Variants in MRTFB observed in about 807,000 individuals in gnomAD.
MRTFB encodes the protein myocardin related transcription factor B, also known as myocardin-related transcription factor B.
A neutral mutation model predicts 104.2 loss-of-function variants in MRTFB; 29 were observed. The observed-to-expected ratio is 0.28, with a 90% CI of 0.21 to 0.38. The LOEUF (loss-of-function observed/expected upper bound fraction) is 0.38. Among genes scored for constraint, MRTFB ranks in the 10% least tolerant of loss-of-function variants. The pLI is 1.00. For missense variants in MRTFB, 1,270 were observed against 1,341.6 expected (o/e 0.95, Z 0.83); for synonymous variants, 535 against 519.5 (o/e 1.03, Z -0.41).
rs560443944 is a variant in MRTFB, at chr16:14,160,048, A to G, written c.154+19288A>G. 5.9e-5 allele frequency among the ~76,000 whole-genome samples: 9 copies of G among 152,246 alleles called. No individual in the cohort carries two copies. In the South Asian group the frequency reaches 1.7e-3, roughly 28 times the overall value. On this transcript the variant is annotated intron_variant, in intron 3 of 16. Coordinates refer to ENST00000571589, the MANE Select transcript of MRTFB (RefSeq NM_001308142.2). ...TCCTGTAAACCACAATATAGTTATC[A>G]GCCTCAAAAAGTTTAACATTGGCAT...
chr16:14,248,157 T>C (rs992224976), intron 12 of MRTFB: 1 of 152,556 alleles, frequency 6.6e-6, no homozygotes, highest in Non-Finnish European at 1.5e-5. Context: ...AGCATGAAAT[T>C]CCCTTTTGTG....
At chr16:14,013,739 G>T in the MRTFB span, among the ~76,000 whole-genome samples, 1 of 152,134 alleles carries the variant, frequency 6.6e-6, no homozygotes, top group Non-Finnish European at 1.5e-5. Context: ...TGAATCAGGG[G>T]CAAAGAGCAG....
intron 2 of MRTFB, among the ~76,000 whole-genome samples, chr16:14,112,641 A>G (rs567195975): frequency 6.1e-4 from 93 of 152,340 alleles, no homozygotes; most frequent in African/African-American, 1.7e-3. Context: ...CTATCTGTCC[A>G]GGCCTGTGTG....
At chr16:14,196,327 G>A (rs983939514) in intron 3 of MRTFB, among the ~76,000 whole-genome samples, 4 of 152,128 alleles carry the variant, frequency 2.6e-5, no homozygotes, top group South Asian at 2.1e-4. Flanking sequence ...GAATAATGGC[G>A]GTCCTGTTAG....
At chr16:14,181,415 T>C (rs961101063) in intron 3 of MRTFB, among the ~76,000 whole-genome samples, 12 of 152,150 alleles carry the variant, frequency 7.9e-5, no homozygotes, top group Non-Finnish European at 1.2e-4. Context: ...TCATTATCTG[T>C]GTAGATTTTG....
chr16:14,099,201 A>G (rs1042949970), intron 2 of MRTFB, among the ~76,000 whole-genome samples: 2 of 152,212 alleles, frequency 1.3e-5, no homozygotes, highest in Non-Finnish European at 2.9e-5. Context: ...CTTCCAAACC[A>G]AGAACATGTT....
Position 14,251,983 on chromosome 16 carries a change from C to T in MRTFB, c.2525C>T (p.Pro842Leu), listed in dbSNP as rs147357478. The change falls in exon 14 of 17, where the codon CCG becomes CTG. Residue 842 changes from proline to leucine, a missense_variant. Coordinates refer to ENST00000571589, the MANE Select transcript of MRTFB (RefSeq NM_001308142.2). ...SNSVLQSRNAPLPSLQNGPNT... is the reference protein window; with the variant it reads ...SNSVLQSRNALLPSLQNGPNT... ...AGTGTTCTTCAATCCAGAAATGCTC[C>T]GCTTCCATCCCTGCAAAATGGACCT... The T allele has an allele frequency of 1.5e-5, 25 of 1,614,050 alleles. No individual in the cohort carries two copies. The highest frequency in any genetic ancestry group is 3.3e-5 in the South Asian group (3 of 91,088).
At chr16:14,119,320 T>C (rs941063959) in intron 2 of MRTFB, among the ~76,000 whole-genome samples, 1 of 152,208 alleles carries the variant, frequency 6.6e-6, no homozygotes, top group African/African-American at 2.4e-5. Flanking sequence ...CTGCCTCTGA[T>C]TGGCTGAAAC....
intron 8 of MRTFB, among the ~76,000 whole-genome samples, chr16:14,219,882 A>C (rs2041606143): frequency 6.6e-6 from 1 of 152,202 alleles, no homozygotes; most frequent in Admixed American, 6.5e-5. Context: ...AAGGGGAGAG[A>C]GAGCAAGTAT....
At chr16:14,000,252 G>A in the MRTFB span, among the ~76,000 whole-genome samples, 2 of 152,200 alleles carry the variant, frequency 1.3e-5, no homozygotes, top group Admixed American at 6.5e-5. Context: ...GGTTCCTTTC[G>A]GGTCACCCCT....
At chr16:14,210,735 C>A (rs1035148323) in intron 4 of MRTFB, among the ~76,000 whole-genome samples, 2 of 152,152 alleles carry the variant, frequency 1.3e-5, no homozygotes, top group Non-Finnish European at 2.9e-5. Flanking sequence ...ATGCTATGAT[C>A]TGTGTACAGT....
intron 3 of MRTFB, among the ~76,000 whole-genome samples, chr16:14,197,490 C>T (rs955576332): frequency 2.0e-5 from 3 of 152,086 alleles, no homozygotes; most frequent in Non-Finnish European, 2.9e-5. Context: ...TGAAGTGAAA[C>T]GGTGTTGGTT....
At chr16:14,019,601 TC>T in the MRTFB span, 1 of 152,192 alleles carries the variant, frequency 6.6e-6, no homozygotes. Flanking sequence ...TTGTTTCTCC[TC>T]CATGACCCAC....
the MRTFB span, among the ~76,000 whole-genome samples, chr16:14,029,215 G>A: frequency 2.0e-5 from 3 of 151,366 alleles, no homozygotes; most frequent in Non-Finnish European, 2.9e-5. Context: ...GATCCCTCCT[G>A]GGATCACTTA....
rs571165008 is a variant in MRTFB at position 14,142,060 on chromosome 16, C to G, written c.154+1300C>G. ...TTCACCATGTTGGTCAGGCTGGTCTCGAATTTCTGACCTTGTGATCCACCC... is the reference window on the plus strand; with the variant it reads ...TTCACCATGTTGGTCAGGCTGGTCTGGAATTTCTGACCTTGTGATCCACCC... On this transcript the variant is annotated intron_variant, in intron 3 of 16. Transcript: ENST00000571589. The G allele has an allele frequency of 1.1e-3, 170 of 151,528 alleles. 1 individual carries two copies. The highest frequency in any genetic ancestry group is 1.3e-3 in the Admixed American group (20 of 15,194). The allele number at this position is 151,528 out of a possible 1,614,324, so 9.4% of individuals were successfully genotyped here. A position where few individuals can be genotyped will look rare whatever the true frequency, so the allele number is the denominator to read the frequency against.
chr16:14,191,365 A>G (rs1186309769), intron 3 of MRTFB, among the ~76,000 whole-genome samples: 1 of 152,194 alleles, frequency 6.6e-6, no homozygotes, highest in Non-Finnish European at 1.5e-5. Flanking sequence ...TGTCTCTTAC[A>G]ACCCAATTCC....
the MRTFB span, among the ~76,000 whole-genome samples, chr16:14,006,113 C>T: frequency 1.3e-5 from 2 of 152,054 alleles, no homozygotes; most frequent in Non-Finnish European, 2.9e-5. Flanking sequence ...GAGGCTGAAG[C>T]GGGTGGATCA....
At chr16:14,040,828 C>T in the MRTFB span, among the ~76,000 whole-genome samples, 1 of 152,098 alleles carries the variant, frequency 6.6e-6, no homozygotes, top group African/African-American at 2.4e-5. Flanking sequence ...AAAATGGTAT[C>T]TCTGGCTGGG....
intron 10 of MRTFB, chr16:14,240,789 A>G (rs777199876): frequency 1.3e-6 from 1 of 757,570 alleles, no homozygotes; most frequent in Middle Eastern, 2.3e-4. Context: ...GCTCTGAGAA[A>G]AGCGTAAGTA....
Sources: gnomAD v4.1 joint callset for allele counts (sites outside exome capture counted in the v4.1 genomes callset) on GRCh38, gnomAD v4.1.1 for gene constraint, MANE v1.5 for transcripts, NCBI Gene and HGNC (gene_info 2026-07-23, HGNC 2026-07-21) for gene names.